Variants in VEGFB observed in about 807,000 individuals in gnomAD.
VEGFB encodes VEGF-related factor.
VEGFB carries 24 observed loss-of-function variants against 22.5 expected under a neutral mutation model. The observed-to-expected ratio is 1.07, with a 90% CI of 0.77 to 1.50. VEGFB has a LOEUF of 1.50. Among genes scored for constraint, VEGFB ranks in the 40% most tolerant of loss-of-function variants. The pLI is 0.00. For synonymous variants in VEGFB, 141 were observed against 117.4 expected (o/e 1.20, Z -1.30); for missense variants, 327 against 287.8 (o/e 1.14, Z -0.99).
chr11:64,234,805 G>T lies in VEGFB; in HGVS notation c.-29G>T. 1 of 1,116,824 alleles carries T rather than the reference G, an allele frequency of 9.0e-7. No homozygotes were observed. Among genetic ancestry groups the T allele is most frequent in the Non-Finnish European group, 1.1e-6 (1 of 913,818 alleles). 69.2% of individuals were successfully genotyped at this position (1,116,824 alleles called of 1,614,324 possible). A position where few individuals can be genotyped will look rare whatever the true frequency, so the allele number is the denominator to read the frequency against. ...GCCGCCGGGCTAGGGCGATGCGGGCGCCCCCGGCGGGCGGCCCCGGCGGGC... is the reference window on the plus strand; with the variant it reads ...GCCGCCGGGCTAGGGCGATGCGGGCTCCCCCGGCGGGCGGCCCCGGCGGGC... On this transcript the variant is annotated 5_prime_UTR_variant, in exon 1 of 7. Coordinates refer to ENST00000309422, the MANE Select transcript of VEGFB (RefSeq NM_003377.5). This position sits in a 1 kb window ranked among gnomAD's most constrained non-coding sequence, Gnocchi z 5.3.
chr11:64,236,043 C>T (rs1359645198), intron 3 of VEGFB, 34 bp downstream of exon 3: 3 of 1,557,882 alleles, frequency 1.9e-6, no homozygotes, highest in South Asian at 1.2e-5. Context: ...GCAGGGGATG[C>T]AGGTACTGGG....
At chr11:64,236,958 C>T (rs867805546) in intron 4 of VEGFB, among the ~76,000 whole-genome samples, 2 of 148,352 alleles carry the variant, frequency 1.3e-5, no homozygotes, top group African/African-American at 4.9e-5. Context: ...TGGCAGGTGC[C>T]TGTAATCCCA....
At position 64,237,177 on chromosome 11, in the gene VEGFB, T is replaced by G. The variant is rs146495554; in HGVS notation, c.375-10T>G. On this transcript the variant is annotated splice_polypyrimidine_tract_variant and intron_variant, in intron 4 of 6. Transcript: ENST00000309422. ...CTTGTTTGTCTGTGTCTGTCTATCTTACTTTTCAGACCTAAAAAAAAGGAC... is the reference window on the plus strand; with the variant it reads ...CTTGTTTGTCTGTGTCTGTCTATCTGACTTTTCAGACCTAAAAAAAAGGAC... The G allele has an allele frequency of 3.4e-4, 540 of 1,601,016 alleles. 3 individuals are homozygous for G. In the African/African-American group the frequency reaches 6.4e-3, roughly 19 times the overall value.
chr11:64,235,357 G>C (rs2029912125), intron 1 of VEGFB, 101 bp from the exon 2 acceptor site: 2 of 1,079,300 alleles, frequency 1.9e-6, no homozygotes, highest in Admixed American at 1.9e-5. Flanking sequence ...ATGTCAGAGA[G>C]GTGGTGAAGC....
chr11:64,236,298 C>T lies in VEGFB; in HGVS notation c.345C>T (p.Ser115=), dbSNP rs766065598. 1 of 1,613,898 alleles carries T rather than the reference C, an allele frequency of 6.2e-7. No homozygotes were observed. Among genetic ancestry groups the T allele is most frequent in the Non-Finnish European group, 8.5e-7 (1 of 1,179,992 alleles). Residue 115 remains serine, a synonymous_variant, in exon 4 of 7, where the codon TCC becomes TCT. Coordinates refer to ENST00000309422, the MANE Select transcript of VEGFB (RefSeq NM_003377.5). ...RYPSSQLGEM[S]LEEHSQCECR... ...CGAGCAGTCAGCTGGGGGAGATGTC[C>T]CTGGAAGAACACAGCCAGTGTGAAT...
In VEGFB at chr11:64,237,232, T is replaced by C. The variant is rs1179021910; in HGVS notation, c.410+10T>C. Reference sequence around the variant, plus strand: ...CTGTGAAGCCAGACAGGTGAGTCTTTTGGACTCCAGCTGAGTAGGGGTATG... The same window carrying C: ...CTGTGAAGCCAGACAGGTGAGTCTTCTGGACTCCAGCTGAGTAGGGGTATG... On this transcript the variant is annotated intron_variant, in intron 5 of 6. Transcript: ENST00000309422. 1.2e-6 allele frequency: 2 copies of C among 1,608,684 alleles called. No homozygotes were observed.
At chr11:64,236,062 G>A (rs1168227760) in intron 3 of VEGFB, 53 bp downstream of exon 3, 3 of 1,541,848 alleles carry the variant, frequency 1.9e-6, no homozygotes, top group Non-Finnish European at 2.6e-6. Flanking sequence ...GGCAGGTGGG[G>A]CAGCGGGCAG....
intron 4 of VEGFB, among the ~76,000 whole-genome samples, chr11:64,236,607 C>T (rs549992623): frequency 5.0e-4 from 75 of 151,172 alleles, no homozygotes; most frequent in Admixed American, 3.7e-3. Context: ...GTCCCAGCTA[C>T]TCCGGAGGCT....
At chr11:64,237,058 G>A (rs1591081018) in intron 4 of VEGFB, 129 bp from the exon 5 acceptor site, 1 of 755,638 alleles carries the variant, frequency 1.3e-6, no homozygotes, top group Non-Finnish European at 2.0e-6. Flanking sequence ...ACTCCAGCCT[G>A]GGCAAGAAGA....
Position 64,238,570 on chromosome 11 carries a change from CAG to C in VEGFB, c.*240_*241del. The C allele has an allele frequency of 1.5e-6, 1 of 669,094 alleles. No homozygotes were observed. Among genetic ancestry groups the C allele is most frequent in the Non-Finnish European group, 2.5e-6 (1 of 394,112 alleles). 41.4% of individuals were successfully genotyped at this position (669,094 alleles called of 1,614,324 possible). On this transcript the variant is annotated 3_prime_UTR_variant, in exon 7 of 7. Transcript: ENST00000309422. ...TCCCTGAGGCCATCATCAAACAGGACAGAGTTGGAAGAGGAGACTGGGAGGCA... is the reference window on the plus strand; with the variant it reads ...TCCCTGAGGCCATCATCAAACAGGACAGTTGGAAGAGGAGACTGGGAGGCA...
intron 4 of VEGFB, 77 bp downstream of exon 4, chr11:64,236,404 G>A (rs1396143229): frequency 9.1e-6 from 13 of 1,421,516 alleles, no homozygotes; most frequent in Non-Finnish European, 1.3e-5. Flanking sequence ...CACAGAACTG[G>A]GGACCAGGTT....
At position 64,237,255 on chromosome 11, in the gene VEGFB, A is replaced by C. The variant is rs759637892; in HGVS notation, c.410+33A>C. 6 of 1,597,590 alleles carry C rather than the reference A, an allele frequency of 3.8e-6. No homozygotes were observed. In the African/African-American group the frequency reaches 8.0e-5, roughly 21 times the overall value. ...TTTTGGACTCCAGCTGAGTAGGGGT[A>C]TGGGGAGTACAAGTGAGTCCAGAAG... On this transcript the variant is annotated intron_variant, in intron 5 of 6. Coordinates refer to ENST00000309422, the MANE Select transcript of VEGFB (RefSeq NM_003377.5).
At position 64,234,894 on chromosome 11, in the gene VEGFB, G is replaced by A; in HGVS notation, c.60+1G>A. On this transcript the variant is annotated splice_donor_variant, in intron 1 of 6. Coordinates refer to ENST00000309422, the MANE Select transcript of VEGFB (RefSeq NM_003377.5). LOFTEE classifies it high-confidence loss of function. This position sits in a 1 kb window ranked among gnomAD's most constrained non-coding sequence, Gnocchi z 5.3. ...ACTCCTGCAGCTGGCCCCCGCCCAG[G>A]TACGTGCGGCCCGACAGCGCGCCCG... is the stretch of plus-strand genomic sequence containing the variant. 1 of 1,299,564 alleles carries A rather than the reference G, an allele frequency of 7.7e-7. No individual in the cohort carries two copies. The highest frequency in any genetic ancestry group is 9.8e-7 in the Non-Finnish European group (1 of 1,021,360). 80.5% of individuals were successfully genotyped at this position (1,299,564 alleles called of 1,614,324 possible). A position where few individuals can be genotyped will look rare whatever the true frequency, so the allele number is the denominator to read the frequency against.
chr11:64,237,073 A>C (rs1299431369), intron 4 of VEGFB, 114 bp from the exon 5 acceptor site: 1 of 781,396 alleles, frequency 1.3e-6, no homozygotes, highest in Non-Finnish European at 1.9e-6. Flanking sequence ...AGAAGAGGGA[A>C]ACACAGTCTC....
chr11:64,237,694 C>A (rs1475740314), intron 6 of VEGFB, 39 bp downstream of exon 6: 1 of 1,491,304 alleles, frequency 6.7e-7, no homozygotes, highest in African/African-American at 1.4e-5. Context: ...TGGGAAGGCA[C>A]CAAGGCCCTG....
intron 2 of VEGFB, 125 bp downstream of exon 2, chr11:64,235,625 C>G: frequency 7.7e-7 from 1 of 1,295,274 alleles, no homozygotes; most frequent in Non-Finnish European, 1.1e-6. Flanking sequence ...ACCCATTTCA[C>G]AGAGGAGGAA....
Position 64,238,044 on chromosome 11 carries a change from G to A in VEGFB, c.*23-312G>A, listed in dbSNP as rs552586212. Reference sequence around the variant, plus strand: ...TGGTAGACATCTGCCCTTACCTACGGGCTTCAAGAGGCCAGGGGACATAGT... The same window carrying A: ...TGGTAGACATCTGCCCTTACCTACGAGCTTCAAGAGGCCAGGGGACATAGT... On this transcript the variant is annotated intron_variant, in intron 6 of 6. Transcript: ENST00000309422. 9.6e-6 allele frequency: 5 copies of A among 522,068 alleles called. No individual in the cohort carries two copies. In the East Asian group the frequency reaches 1.6e-4, roughly 16 times the overall value. The allele number at this position is 522,068 out of a possible 1,614,324, so 32.3% of individuals were successfully genotyped here. A position where few individuals can be genotyped will look rare whatever the true frequency, so the allele number is the denominator to read the frequency against.
At position 64,237,601 on chromosome 11, in the gene VEGFB, G is replaced by A. The variant is rs773046641; in HGVS notation, c.592G>A (p.Ala198Thr). Residue 198 changes from alanine (A) to threonine (T), a missense_variant, in exon 6 of 7, where the codon GCA (alanine) becomes ACA (threonine). Transcript: ENST00000309422. Reference sequence around the variant, plus strand: ...ACCTGCCGCTGCCGCTGCCGACGCCGCAGCTTCCTCCGTTGCCAAGGGCGG... The same window carrying A: ...ACCTGCCGCTGCCGCTGCCGACGCCACAGCTTCCTCCGTTGCCAAGGGCGG... ...PGPAAAAADA[A>T]ASSVAKGGA 35 of 1,586,504 alleles carry A rather than the reference G, an allele frequency of 2.2e-5. No homozygotes were observed. The highest frequency in any genetic ancestry group is 1.7e-4 in the Middle Eastern group (1 of 6,054).
In VEGFB at chr11:64,237,531, C is replaced by T. The variant is rs2030195622; in HGVS notation, c.522C>T (p.Pro174=). 6.2e-7 allele frequency: 1 copy of T among 1,610,516 alleles called. No homozygotes were observed. Among genetic ancestry groups the T allele is most frequent in the Non-Finnish European group, 8.5e-7 (1 of 1,179,772 alleles). Residue 174 remains proline (P), a synonymous_variant, in exon 6 of 7, where the codon CCC becomes CCT. Coordinates refer to ENST00000309422, the MANE Select transcript of VEGFB (RefSeq NM_003377.5). Reference sequence around the variant, plus strand: ...CCCATCCCACTCCAGCCCCAGGCCCCTCTGCCCACGCTGCACCCAGCACCA... The same window carrying T: ...CCCATCCCACTCCAGCCCCAGGCCCTTCTGCCCACGCTGCACCCAGCACCA... ...DITHPTPAPG[P]SAHAAPSTTS...
Sources: allele counts gnomAD v4.1 joint callset (sites outside exome capture counted in the v4.1 genomes callset), GRCh38; gene constraint gnomAD v4.1.1; non-coding constraint Gnocchi (gnomAD v3.1); transcripts MANE v1.5; gene names NCBI Gene and HGNC (gene_info 2026-07-23, HGNC 2026-07-21).